Variants in MSTO1 observed in about 807,000 individuals in gnomAD.
MSTO1 encodes the protein protein misato homolog 1.
A neutral mutation model predicts 55.7 loss-of-function variants in MSTO1; 24 were observed. The ratio of observed to expected loss-of-function variants is 0.43; its 90% CI spans 0.31 to 0.61. The LOEUF is 0.61. Among genes scored for constraint, MSTO1 ranks in the 20% least tolerant of loss-of-function variants. MSTO1 has a pLI of 0.09. For synonymous variants in MSTO1, 162 were observed against 252.8 expected (o/e 0.64, Z 3.41); for missense variants, 363 against 625.7 (o/e 0.58, Z 4.48).
At chr1:155,603,826 C>G in the MSTO1 span, among the ~76,000 whole-genome samples, 33 of 152,188 alleles carry the variant, frequency 2.2e-4, no homozygotes, top group African/African-American at 7.7e-4. Context: ...CCACTGTACT[C>G]CAGTCTGGGT....
At chr1:155,576,929 G>T in the MSTO1 span, among the ~76,000 whole-genome samples, 5,360 of 139,274 alleles carry the variant, frequency 0.038, 353 homozygotes, top group African/African-American at 0.14. Flanking sequence ...GCAGGAGAAT[G>T]GCTTGAACCC....
intron 11 of MSTO1, 75 bp from the exon 12 acceptor site, chr1:155,613,387 G>A (rs1473161658): frequency 6.2e-7 from 1 of 1,600,334 alleles, no homozygotes; most frequent in Admixed American, 1.7e-5. Flanking sequence ...CCAGCTGATG[G>A]CCTGAGAACA....
chr1:155,576,708 T>C, the MSTO1 span, among the ~76,000 whole-genome samples: 1 of 151,532 alleles, frequency 6.6e-6, no homozygotes, highest in Non-Finnish European at 1.5e-5. Context: ...TTTACTCCTG[T>C]ATTTTCTGCT....
At chr1:155,600,384 T>G in the MSTO1 span, among the ~76,000 whole-genome samples, 3 of 152,230 alleles carry the variant, frequency 2.0e-5, no homozygotes, top group African/African-American at 7.2e-5. Context: ...GGTAAGGTCA[T>G]AGATTAACAG....
chr1:155,563,267 T>G, the MSTO1 span: 1 of 456,400 alleles, frequency 2.2e-6, no homozygotes, highest in South Asian at 1.5e-5. Flanking sequence ...ACCGCTGCTG[T>G]GGAGCTGGTC....
chr1:155,613,000 G>T, intron 10 of MSTO1, 25 bp downstream of exon 10: 1 of 1,614,008 alleles, frequency 6.2e-7, no homozygotes, highest in Middle Eastern at 1.7e-4. Context: ...AAGGGGTTGG[G>T]TCAGTGCTGA....
At chr1:155,605,093 T>A in the MSTO1 span, among the ~76,000 whole-genome samples, 2 of 151,936 alleles carry the variant, frequency 1.3e-5, no homozygotes, top group Admixed American at 1.3e-4. Flanking sequence ...AAACCCCATC[T>A]CTACTGAATA....
the MSTO1 span, among the ~76,000 whole-genome samples, chr1:155,597,666 C>A: frequency 1.3e-5 from 2 of 151,644 alleles, no homozygotes; most frequent in East Asian, 3.9e-4. Context: ...TGCGCCACCA[C>A]GCCTGGCTAA....
rs1674606659 is a variant in MSTO1 at position 155,612,971 on chromosome 1, A to G, written c.1094A>G (p.Lys365Arg). 4.3e-6 allele frequency: 7 copies of G among 1,613,952 alleles called. No individual in the cohort carries two copies. The highest frequency in any genetic ancestry group is 1.3e-5 in the African/African-American group (1 of 75,028). The change falls in exon 10 of 14, where the codon AAA becomes AGA. Residue 365 changes from lysine (K) to arginine (R), a missense_variant. By Grantham distance (26) the Lys-to-Arg change is conservative. Coordinates refer to ENST00000245564, the MANE Select transcript of MSTO1 (RefSeq NM_018116.4). ...HLADMLSFCG[K>R]KVVTAGAIIP... ...GCTGACATGCTGAGCTTCTGTGGGAAAAAGGTATGAAGCTTTGTAAGGGGT... is the reference window on the plus strand; with the variant it reads ...GCTGACATGCTGAGCTTCTGTGGGAGAAAGGTATGAAGCTTTGTAAGGGGT...
the MSTO1 span, among the ~76,000 whole-genome samples, chr1:155,603,639 C>T: frequency 6.6e-6 from 1 of 151,992 alleles, no homozygotes; most frequent in Non-Finnish European, 1.5e-5. Flanking sequence ...AGGTGGATCA[C>T]CAGAGGTCAG....
Position 155,610,384 on chromosome 1 carries a change from C to T in MSTO1, c.85-41C>T, listed in dbSNP as rs574616334. ...AGGAGCCCTTCGGGATCTACAGTCC[C>T]GACGTTCAGCCGGCCTGCCTCGTCC... is the stretch of plus-strand genomic sequence containing the variant. On this transcript the variant is annotated intron_variant, in intron 1 of 13. Transcript: ENST00000245564. 6.2e-6 allele frequency: 5 copies of T among 809,540 alleles called. No individual in the cohort carries two copies. The Admixed American group carries it at 7.4e-5, about 12-fold the overall frequency. The allele number at this position is 809,540 out of a possible 1,614,324, so 50.1% of individuals were successfully genotyped here.
rs1673600736 is a variant in MSTO1 at position 155,610,408 on chromosome 1, C to T, written c.85-17C>T. ...CCGACGTTCAGCCGGCCTGCCTCGT[C>T]CTCTCTGCTTCCCCAGGATGCTGCG... On this transcript the variant is annotated splice_polypyrimidine_tract_variant and intron_variant, in intron 1 of 13. Coordinates refer to ENST00000245564, the MANE Select transcript of MSTO1 (RefSeq NM_018116.4). 3.6e-6 allele frequency: 3 copies of T among 838,620 alleles called. No individual in the cohort carries two copies. Among genetic ancestry groups the T allele is most frequent in the Middle Eastern group, 3.6e-4 (1 of 2,806 alleles). 51.9% of individuals were successfully genotyped at this position (838,620 alleles called of 1,614,324 possible). A position where few individuals can be genotyped will look rare whatever the true frequency, so the allele number is the denominator to read the frequency against.
the MSTO1 span, among the ~76,000 whole-genome samples, chr1:155,569,125 A>T: frequency 6.6e-6 from 1 of 151,292 alleles, no homozygotes; most frequent in Non-Finnish European, 1.5e-5. Context: ...AGGGTTTTTT[A>T]TTTTTATTTA....
chr1:155,568,539 A>G, the MSTO1 span, among the ~76,000 whole-genome samples: 1 of 151,930 alleles, frequency 6.6e-6, no homozygotes, highest in African/African-American at 2.4e-5. Flanking sequence ...CCCGGATTCA[A>G]GTGATTCTCC....
At chr1:155,591,355 A>G in the MSTO1 span, 1 of 986,302 alleles carries the variant, frequency 1.0e-6, no homozygotes, top group East Asian at 2.6e-5. Context: ...GATCTTCTAG[A>G]TTGGCCCACA....
the MSTO1 span, among the ~76,000 whole-genome samples, chr1:155,567,290 A>ATT: frequency 6.7e-6 from 1 of 150,100 alleles, no homozygotes; most frequent in Non-Finnish European, 1.5e-5. Flanking sequence ...CGCCTGTCTA[A>ATT]TTTGGCTAAT....
chr1:155,614,062 T>C lies in MSTO1; in HGVS notation c.1502T>C (p.Val501Ala). 1 of 1,454,066 alleles carries C rather than the reference T, an allele frequency of 6.9e-7. No homozygotes were observed. The highest frequency in any genetic ancestry group is 9.2e-7 in the Non-Finnish European group (1 of 1,091,504). The allele number at this position is 1,454,066 out of a possible 1,614,324, so 90.1% of individuals were successfully genotyped here. A position where few individuals can be genotyped will look rare whatever the true frequency, so the allele number is the denominator to read the frequency against. The change falls in exon 14 of 14, where the codon GTG becomes GCG. Residue 501 changes from valine (V) to alanine (A), a missense_variant. Val to Ala is a moderately conservative substitution (Grantham distance 64, BLOSUM62 0). This residue lies in a region of MSTO1 where 38 missense variants were observed against 126.4 expected (regional missense o/e 0.30). Coordinates refer to ENST00000245564, the MANE Select transcript of MSTO1 (RefSeq NM_018116.4). ...VLDGSPKGAA[V>A]ESIPVFGALC... is the part of the protein sequence containing the mutation. ...TCTGTTTCCTCTCCCTCCACAGCAG[T>C]GGAGAGCATCCCAGTGTTTGGGGCA...
At chr1:155,587,960 C>A in the MSTO1 span, among the ~76,000 whole-genome samples, 1 of 151,988 alleles carries the variant, frequency 6.6e-6, no homozygotes, top group Non-Finnish European at 1.5e-5. Context: ...AATCCCAGCA[C>A]TTTGGGAGGC....
chr1:155,590,606 C>G, the MSTO1 span: 3 of 1,325,802 alleles, frequency 2.3e-6, no homozygotes, highest in Non-Finnish European at 3.1e-6. Context: ...CCATGTCAGA[C>G]GTAATTCTTG....
Sources: allele counts gnomAD v4.1 joint callset (sites outside exome capture counted in the v4.1 genomes callset), GRCh38; gene constraint gnomAD v4.1.1; regional missense constraint gnomAD v4.1.1; transcripts MANE v1.5; gene names NCBI Gene and HGNC (gene_info 2026-07-23, HGNC 2026-07-21).